LRPPRC: variants seen among roughly 807,000 people sequenced by gnomAD.
LRPPRC encodes leucine-rich PPR motif-containing protein, mitochondrial.
LRPPRC carries 120 observed loss-of-function variants against 180.3 expected under a neutral mutation model. The observed-to-expected ratio is 0.67, with a 90% CI of 0.57 to 0.77. LRPPRC has a LOEUF of 0.77. Among genes scored for constraint, LRPPRC ranks in the 30% least tolerant of loss-of-function variants. The probability of loss-of-function intolerance (pLI) is 0.00; values close to 1 mark genes in which losing one functional copy is unlikely to be tolerated. For synonymous variants in LRPPRC, 723 were observed against 600.0 expected (o/e 1.21, Z -3.00); for missense variants, 2,012 against 1,657.2 (o/e 1.21, Z -3.72).
intron 27 of LRPPRC, among the ~76,000 whole-genome samples, chr2:43,920,078 TTAAA>T (rs1266115211): frequency 8.6e-5 from 6 of 69,560 alleles, no homozygotes; most frequent in African/African-American, 3.1e-4. Context: ...AATCAGCAAT[TTAAA>T]AAAAAAAAAA....
chr2:43,920,380 C>T (rs1671656678), intron 27 of LRPPRC, among the ~76,000 whole-genome samples: 1 of 152,204 alleles, frequency 6.6e-6, no homozygotes, highest in Non-Finnish European at 1.5e-5. Context: ...AAGCAATTCA[C>T]TGGCCTTGGC....
intron 30 of LRPPRC, among the ~76,000 whole-genome samples, chr2:43,908,728 A>G (rs1397364646): frequency 6.6e-6 from 1 of 152,032 alleles, no homozygotes; most frequent in Non-Finnish European, 1.5e-5. Context: ...GGTTTCACCA[A>G]GTTGGCCAGG....
intron 37 of LRPPRC, 133 bp downstream of exon 37, chr2:43,889,601 C>T: frequency 1.3e-6 from 1 of 795,396 alleles, no homozygotes; most frequent in Non-Finnish European, 2.2e-6. Context: ...GTCCCTCAAG[C>T]CATCCCCTGA....
rs780112206 is a variant in LRPPRC at position 43,962,601 on chromosome 2, C to T, written c.1488+987G>A. On this transcript the variant is annotated intron_variant, in intron 12 of 37. Transcript: ENST00000260665. Reference sequence around the variant, plus strand: ...GCTGTTTTGAAAGTGGAAAACGCAACCTTTGCTAATCCAATGCACTGTCCC... The same window carrying T: ...GCTGTTTTGAAAGTGGAAAACGCAATCTTTGCTAATCCAATGCACTGTCCC... 8.7e-4 allele frequency among the ~76,000 whole-genome samples: 133 copies of T among 152,264 alleles called. 1 individual carries two copies. The Middle Eastern group carries it at 0.01, about 12-fold the overall frequency.
At chr2:43,953,401 T>A (rs1672980355) in intron 14 of LRPPRC, among the ~76,000 whole-genome samples, 1 of 152,230 alleles carries the variant, frequency 6.6e-6, no homozygotes, top group Non-Finnish European at 1.5e-5. Flanking sequence ...TTGAAATATG[T>A]TCCTGGAAGG....
chr2:43,934,226 T>C lies in LRPPRC; in HGVS notation c.2700A>G (p.Gln900=). ...MLYDLFFAFL[Q]TGNYKEAKKI... is the part of the protein sequence containing the mutation. ...TCTTGGCCTCTTTGTAATTTCCTGT[T>C]TGTAGGAAGGCAAAGAAGAGATCAT... Residue 900 remains glutamine, a synonymous_variant, in exon 25 of 38, where the codon CAA becomes CAG. Coordinates refer to ENST00000260665, the MANE Select transcript of LRPPRC (RefSeq NM_133259.4). 1 of 1,611,800 alleles carries C rather than the reference T, an allele frequency of 6.2e-7. No individual in the cohort carries two copies. Among genetic ancestry groups the C allele is most frequent in the Non-Finnish European group, 8.5e-7 (1 of 1,178,254 alleles).
At chr2:43,917,444 G>C (rs1671513071) in intron 29 of LRPPRC, among the ~76,000 whole-genome samples, 1 of 151,584 alleles carries the variant, frequency 6.6e-6, no homozygotes, top group South Asian at 2.1e-4. Context: ...CAAAATTTCA[G>C]AACATTTCCC....
At chr2:43,993,947 G>A (rs1252316683) in intron 1 of LRPPRC, among the ~76,000 whole-genome samples, 5 of 152,052 alleles carry the variant, frequency 3.3e-5, no homozygotes, top group South Asian at 4.2e-4. Flanking sequence ...GAACAGACAG[G>A]TTAGTAAGAT....
Position 43,899,485 on chromosome 2 carries a change from C to CAA in LRPPRC, c.3688_3689dup (p.Leu1230PhefsTer9), listed in dbSNP as rs1558902588. 1 of 1,614,086 alleles carries CAA rather than the reference C, an allele frequency of 6.2e-7. No homozygotes were observed. Among genetic ancestry groups the CAA allele is most frequent in the Non-Finnish European group, 8.5e-7 (1 of 1,179,996 alleles). ...ACTTACTCTTTTCAACTGCTGGTTCCAACTGCTCCTCTATTACTTTTCTGA... is the reference window on the plus strand; with the variant it reads ...ACTTACTCTTTTCAACTGCTGGTTCCAAAACTGCTCCTCTATTACTTTTCTGA... On this transcript the variant is annotated frameshift_variant, in exon 33 of 38. Transcript: ENST00000260665. LOFTEE classifies it high-confidence loss of function.
At chr2:43,903,014 A>G (rs1670943757) in intron 31 of LRPPRC, 1 of 152,170 alleles carries the variant, frequency 6.6e-6, no homozygotes, top group Non-Finnish European at 1.5e-5. Flanking sequence ...GCCCAAGGTA[A>G]AATCATATTT....
intron 1 of LRPPRC, 49 bp from the exon 2 acceptor site, chr2:43,982,483 T>C: frequency 7.0e-7 from 1 of 1,418,606 alleles, no homozygotes; most frequent in Non-Finnish European, 9.9e-7. Context: ...TCTATTTAGG[T>C]CATTTTTTGA....
At chr2:43,934,085 T>C (rs781125988) in intron 25 of LRPPRC, 105 bp downstream of exon 25, 124 of 709,240 alleles carry the variant, frequency 1.7e-4, no homozygotes, top group Middle Eastern at 3.8e-4. Context: ...TGAATTCTAT[T>C]AACATGAATC....
chr2:43,888,309 A>G lies in LRPPRC; in HGVS notation c.*291T>C, dbSNP rs1670344145. The G allele has an allele frequency of 3.0e-6, 1 of 334,388 alleles. No individual in the cohort carries two copies. The highest frequency in any genetic ancestry group is 2.1e-5 in the African/African-American group (1 of 46,996). The allele number at this position is 334,388 out of a possible 1,614,324, so 20.7% of individuals were successfully genotyped here. On this transcript the variant is annotated 3_prime_UTR_variant, in exon 38 of 38. Coordinates refer to ENST00000260665, the MANE Select transcript of LRPPRC (RefSeq NM_133259.4). The stretch of plus-strand genomic sequence containing the variant: ...AATAACATTTTAATGAAATAAATGA[A>G]ACAGAGCAGGGAAACCAAAGAGCCA...
At chr2:43,914,347 T>C (rs372093366) in intron 29 of LRPPRC, among the ~76,000 whole-genome samples, 7 of 151,900 alleles carry the variant, frequency 4.6e-5, no homozygotes, top group East Asian at 1.9e-4. Context: ...ACCAGAAAAA[T>C]GTTAATGTAA....
intron 15 of LRPPRC, 57 bp from the exon 16 acceptor site, chr2:43,949,716 A>G (rs1314623468): frequency 5.3e-6 from 6 of 1,135,496 alleles, no homozygotes. Flanking sequence ...GAACAAACAC[A>G]ATCTGAAATT....
chr2:43,992,677 T>TG (rs1467756443), intron 1 of LRPPRC, among the ~76,000 whole-genome samples: 3 of 151,936 alleles, frequency 2.0e-5, no homozygotes, highest in Admixed American at 6.6e-5. Flanking sequence ...AATCAATAAA[T>TG]GGGGGGTGAA....
At chr2:43,959,562 G>A (rs1673254977) in intron 13 of LRPPRC, among the ~76,000 whole-genome samples, 1 of 152,056 alleles carries the variant, frequency 6.6e-6, no homozygotes. Flanking sequence ...CAACACCATG[G>A]ACGTGTTAAA....
At chr2:43,982,006 C>A (rs1473099385) in intron 2 of LRPPRC, among the ~76,000 whole-genome samples, 1 of 152,076 alleles carries the variant, frequency 6.6e-6, no homozygotes, top group African/African-American at 2.4e-5. Flanking sequence ...CTCCTGGGTT[C>A]AAGCGATTCT....
At position 43,943,839 on chromosome 2, in the gene LRPPRC, TG is replaced by T; in HGVS notation, c.2351del (p.Thr784LysfsTer10). 1 of 1,613,372 alleles carries T rather than the reference TG, an allele frequency of 6.2e-7. No individual in the cohort carries two copies. Among genetic ancestry groups the T allele is most frequent in the Non-Finnish European group, 8.5e-7 (1 of 1,179,388 alleles). On this transcript the variant is annotated frameshift_variant, in exon 23 of 38. Transcript: ENST00000260665. LOFTEE classifies it high-confidence loss of function. ...GCATGTGGAAAAAGGACAAGGCTGT[TG>T]TATCTTTGATAAGAACATCCTTCTC... is the stretch of plus-strand genomic sequence containing the variant. Reference protein sequence around the residue: ...MKEKDVLIKDTTALSFFHMLN... With the variant: ...MKEKDVLIKDXTALSFFHMLN...
Sources: gnomAD v4.1 joint callset for allele counts (sites outside exome capture counted in the v4.1 genomes callset) on GRCh38, gnomAD v4.1.1 for gene constraint, MANE v1.5 for transcripts, NCBI Gene and HGNC (gene_info 2026-07-23, HGNC 2026-07-21) for gene names.